SEC22B: variants seen among roughly 807,000 people sequenced by gnomAD.
The protein encoded by SEC22B is SEC22 homolog B, vesicle trafficking protein.
A neutral mutation model predicts 31.4 loss-of-function variants in SEC22B; 10 were observed. The observed-to-expected ratio is 0.32, with a 90% CI of 0.20 to 0.54. SEC22B has a LOEUF of 0.54. SEC22B is among the 20% of genes least tolerant of loss of function. SEC22B has a pLI of 0.94. For synonymous variants in SEC22B, 60 were observed against 95.9 expected (o/e 0.63, Z 2.19); for missense variants, 130 against 263.4 (o/e 0.49, Z 3.50).
chr1:120,169,365 C>G (rs1657859998), intron 1 of SEC22B, among the ~76,000 whole-genome samples: 1 of 152,016 alleles, frequency 6.6e-6, no homozygotes, highest in Non-Finnish European at 1.5e-5. Context: ...CCAGCAGAAC[C>G]TTCCACAAGT....
chr1:120,161,797 A>G (rs1657722802), intron 3 of SEC22B, among the ~76,000 whole-genome samples: 2 of 151,804 alleles, frequency 1.3e-5, no homozygotes, highest in African/African-American at 2.4e-5. Context: ...ATTATTAAAG[A>G]TATTTTCAAC....
In SEC22B at chr1:120,162,966, C is replaced by A. The variant is rs1657743226; in HGVS notation, c.346+244G>T. On this transcript the variant is annotated intron_variant, in intron 3 of 4. Coordinates refer to ENST00000578049, the MANE Select transcript of SEC22B (RefSeq NM_004892.6). ...TCTAAAGAAGAATCAAACCAAATAA[C>A]AGAAAGGGCAAAAGGCAACAATTTC... 6.6e-5 allele frequency among the ~76,000 whole-genome samples: 10 copies of A among 151,968 alleles called. No individual in the cohort carries two copies. The South Asian group carries it at 2.1e-3, about 32-fold the overall frequency.
Position 120,176,313 on chromosome 1 carries a change from G to C in SEC22B, c.69C>G (p.Asp23Glu), listed in dbSNP as rs1657963234. ...TCGTGAGTAAGCAGCTCACCTGTTC[G>C]TCCTCCTGCATCGAGGCGGCCAGCG... ...GLPLAASMQE[D>E]EQSGRDLQQY... Residue 23 changes from aspartate (D) to glutamate (E), a missense_variant, in exon 1 of 5, where the codon GAC (aspartate) becomes GAG (glutamate). By Grantham distance (45) the Asp-to-Glu change is conservative. This residue lies in a region of SEC22B where 41 missense variants were observed against 124.9 expected (regional missense o/e 0.33). Coordinates refer to ENST00000578049, the MANE Select transcript of SEC22B (RefSeq NM_004892.6). 8.1e-6 allele frequency: 13 copies of C among 1,611,014 alleles called. No homozygotes were observed. The highest frequency in any genetic ancestry group is 9.3e-6 in the Non-Finnish European group (11 of 1,179,644).
chr1:120,171,966 G>C (rs1657901766), intron 1 of SEC22B, among the ~76,000 whole-genome samples: 1 of 150,256 alleles, frequency 6.7e-6, no homozygotes, highest in Non-Finnish European at 1.5e-5. Flanking sequence ...GATGAGGCTG[G>C]GTATGGGGGT....
At position 120,156,524 on chromosome 1, in the gene SEC22B, G is replaced by C. The variant is rs1323319427; in HGVS notation, c.*514C>G. 7.4e-6 allele frequency: 1 copy of C among 135,366 alleles called. No homozygotes were observed. The highest frequency in any genetic ancestry group is 2.8e-5 in the African/African-American group (1 of 36,102). The allele number at this position is 135,366 out of a possible 1,614,324, so 8.4% of individuals were successfully genotyped here. A position where few individuals can be genotyped will look rare whatever the true frequency, so the allele number is the denominator to read the frequency against. On this transcript the variant is annotated 3_prime_UTR_variant, in exon 5 of 5. Transcript: ENST00000578049. The stretch of plus-strand genomic sequence containing the variant: ...CAGCAATTAACCTTCACATACTGGA[G>C]TCTTGTTTAAAAGGCCATCAAAAAC...
intron 1 of SEC22B, among the ~76,000 whole-genome samples, chr1:120,169,376 G>A (rs1657860325): frequency 2.0e-5 from 3 of 152,114 alleles, no homozygotes; most frequent in Non-Finnish European, 4.4e-5. Context: ...TTCCACAAGT[G>A]TTACAGTTTT....
At chr1:120,170,935 A>T (rs1249360558) in intron 1 of SEC22B, among the ~76,000 whole-genome samples, 1 of 128,886 alleles carries the variant, frequency 7.8e-6, no homozygotes, top group Non-Finnish European at 1.5e-5. Context: ...AAGCATGCAA[A>T]TTTCTTTAAT....
At chr1:120,164,746 A>G (rs1374574559) in intron 2 of SEC22B, among the ~76,000 whole-genome samples, 1 of 152,180 alleles carries the variant, frequency 6.6e-6, no homozygotes, top group Admixed American at 6.5e-5. Context: ...GATTTTTGGT[A>G]GAAAGATTTG....
chr1:120,161,941 C>T, intron 3 of SEC22B, among the ~76,000 whole-genome samples: 1 of 131,510 alleles, frequency 7.6e-6, no homozygotes, highest in Non-Finnish European at 1.5e-5. Flanking sequence ...ACTCCTTGCT[C>T]TGTGCCAGTT....
At chr1:120,164,645 T>G (rs1657777486) in intron 2 of SEC22B, among the ~76,000 whole-genome samples, 1 of 152,262 alleles carries the variant, frequency 6.6e-6, no homozygotes. Context: ...GTATATATAC[T>G]ACATTTTCTT....
chr1:120,176,345 C>T lies in SEC22B; in HGVS notation c.37G>A (p.Gly13Arg), dbSNP rs1553230203. The change falls in exon 1 of 5, where the codon GGG (glycine) becomes AGG (arginine). Residue 13 changes from glycine (G) to arginine (R), a missense_variant. Coordinates refer to ENST00000578049, the MANE Select transcript of SEC22B (RefSeq NM_004892.6). ...LLTMIARVAD[G>R]LPLAASMQED... ...TGCATCGAGGCGGCCAGCGGGAGCCCGTCCGCCACTCGGGCGATCATTGTT... is the reference window on the plus strand; with the variant it reads ...TGCATCGAGGCGGCCAGCGGGAGCCTGTCCGCCACTCGGGCGATCATTGTT... 2.5e-6 allele frequency: 4 copies of T among 1,612,808 alleles called. No homozygotes were observed. Among genetic ancestry groups the T allele is most frequent in the Admixed American group, 1.7e-5 (1 of 59,980 alleles).
chr1:120,161,914 G>T (rs1358006128), intron 3 of SEC22B, among the ~76,000 whole-genome samples: 1 of 132,068 alleles, frequency 7.6e-6, no homozygotes, highest in African/African-American at 4.1e-5. Flanking sequence ...AAGCTGACTT[G>T]GATGAAGCGC....
At chr1:120,175,752 A>T (rs1349288102) in intron 1 of SEC22B, among the ~76,000 whole-genome samples, 4 of 152,186 alleles carry the variant, frequency 2.6e-5, no homozygotes, top group South Asian at 2.1e-4. Flanking sequence ...AAAATAAGTT[A>T]CAATGTATTG....
chr1:120,163,343 A>G lies in SEC22B; in HGVS notation c.213T>C (p.Tyr71=). 1 of 1,606,176 alleles carries G rather than the reference A, an allele frequency of 6.2e-7. No homozygotes were observed. The highest frequency in any genetic ancestry group is 8.5e-7 in the Non-Finnish European group (1 of 1,176,264). ...FHYIIEQGVC[Y]LVLCEAAFPK... Reference sequence around the variant, plus strand: ...GGAAGGCAGCTTCACATAAAACCAAATAACACACCCCCTGCTCAATAATGT... The same window carrying G: ...GGAAGGCAGCTTCACATAAAACCAAGTAACACACCCCCTGCTCAATAATGT... The change falls in exon 3 of 5, where the codon TAT becomes TAC. Residue 71 remains tyrosine, a synonymous_variant. Coordinates refer to ENST00000578049, the MANE Select transcript of SEC22B (RefSeq NM_004892.6).
In SEC22B at chr1:120,176,327, A is replaced by G. The variant is rs1553230198; in HGVS notation, c.55T>C (p.Ser19Pro). 1 of 1,612,052 alleles carries G rather than the reference A, an allele frequency of 6.2e-7. No homozygotes were observed. Among genetic ancestry groups the G allele is most frequent in the African/African-American group, 1.3e-5 (1 of 74,904 alleles). ...CTCACCTGTTCGTCCTCCTGCATCG[A>G]GGCGGCCAGCGGGAGCCCGTCCGCC... The part of the protein sequence containing the change: ...RVADGLPLAA[S>P]MQEDEQSGRD... The change falls in exon 1 of 5, where the codon TCG (serine) becomes CCG (proline). Residue 19 changes from serine to proline, a missense_variant. By Grantham distance (74) the Ser-to-Pro change is moderately conservative. This residue lies in a region of SEC22B where 32 missense variants were observed against 26.3 expected (regional missense o/e 1.22). Coordinates refer to ENST00000578049, the MANE Select transcript of SEC22B (RefSeq NM_004892.6).
chr1:120,162,352 C>T, intron 3 of SEC22B, among the ~76,000 whole-genome samples: 1 of 103,076 alleles, frequency 9.7e-6, no homozygotes, highest in Middle Eastern at 4.0e-3. Context: ...GTATTACTGT[C>T]TATAAAAATA....
rs1657641107 is a variant in SEC22B, at chr1:120,157,211, G to T, written c.494-19C>A. 8.0e-6 allele frequency: 11 copies of T among 1,372,500 alleles called. No homozygotes were observed. Among genetic ancestry groups the T allele is most frequent in the Non-Finnish European group, 1.1e-5 (11 of 1,036,278 alleles). 85.0% of individuals were successfully genotyped at this position (1,372,500 alleles called of 1,614,324 possible). ...TCCAATGCTGTCAAAGAGGAAAAAA[G>T]GAAAACATTAATTAGTCCCTGGAAG... On this transcript the variant is annotated intron_variant, in intron 4 of 4. Transcript: ENST00000578049.
intron 2 of SEC22B, among the ~76,000 whole-genome samples, chr1:120,163,945 CTTTTTTTTT>C (rs1169530604): frequency 1.5e-5 from 1 of 68,934 alleles, no homozygotes. Context: ...ATTAGATTCT[CTTTTTTTTT>C]TTTTTTTTTT....
chr1:120,160,825 G>A (rs1434397787), intron 3 of SEC22B, among the ~76,000 whole-genome samples: 1 of 151,440 alleles, frequency 6.6e-6, no homozygotes, highest in Non-Finnish European at 1.5e-5. Flanking sequence ...GGAGGCAGAG[G>A]TTGCAGTGAG....
Sources: allele counts gnomAD v4.1 joint callset (sites outside exome capture counted in the v4.1 genomes callset), GRCh38; gene constraint gnomAD v4.1.1; regional missense constraint gnomAD v4.1.1; transcripts MANE v1.5; gene names NCBI Gene and HGNC (gene_info 2026-07-23, HGNC 2026-07-21).